NFE2L3: variants seen among roughly 807,000 people sequenced by gnomAD.
The protein encoded by NFE2L3 is NFE2 like bZIP transcription factor 3.
A neutral mutation model predicts 23.5 loss-of-function variants in NFE2L3; 18 were observed. That is an observed-to-expected ratio of 0.77 (90% CI 0.53 to 1.13). The LOEUF (loss-of-function observed/expected upper bound fraction) is 1.13, where lower values mean the gene tolerates loss of function less well. Among genes scored for constraint, NFE2L3 ranks in the 50% most tolerant of loss-of-function variants. NFE2L3 has a pLI of 0.00. For missense variants in NFE2L3, 1,152 were observed against 877.2 expected, an observed-to-expected ratio of 1.31 and a Z score of -3.96; for synonymous variants, 424 against 354.5, an observed-to-expected ratio of 1.20 and a Z score of -2.20.
At chr7:26,153,984 CTTCGGGTGTTGTTT>C in intron 1 of NFE2L3, among the ~76,000 whole-genome samples, 1 of 152,324 alleles carries the variant, frequency 6.6e-6, no homozygotes, top group Non-Finnish European at 1.5e-5. Context: ...AACTAATGTT[CTTCGGGTGTTGTTT>C]TTGTGGGGCG....
At chr7:26,159,322 G>A (rs890119298) in intron 1 of NFE2L3, among the ~76,000 whole-genome samples, 8 of 152,028 alleles carry the variant, frequency 5.3e-5, no homozygotes, top group Non-Finnish European at 1.2e-4. Flanking sequence ...GTCTTTTATG[G>A]TTAAATTCTC....
intron 1 of NFE2L3, among the ~76,000 whole-genome samples, chr7:26,176,378 G>A (rs1250512230): frequency 2.6e-5 from 4 of 151,758 alleles, no homozygotes; most frequent in African/African-American, 7.3e-5. Context: ...CTGTCTCTTC[G>A]GAGCTGTTGG....
intron 1 of NFE2L3, among the ~76,000 whole-genome samples, chr7:26,172,082 T>A (rs1398394401): frequency 6.6e-6 from 1 of 152,236 alleles, no homozygotes; most frequent in Non-Finnish European, 1.5e-5. Context: ...GCTAAAGCAA[T>A]TAGATAAGAA....
At position 26,177,276 on chromosome 7, in the gene NFE2L3, G is replaced by A. The variant is rs1319896580; in HGVS notation, c.571-667G>A. Among the ~76,000 whole-genome samples the A allele has an allele frequency of 2.0e-5, 3 of 152,166 alleles. No individual in the cohort carries two copies. In the East Asian group the frequency reaches 5.8e-4, roughly 29 times the overall value. The stretch of plus-strand genomic sequence containing the variant: ...TGGGAGGTGGAGGTTGTAGCGAGCC[G>A]AGATCATGCCACTGCACTCCAGCCT... On this transcript the variant is annotated intron_variant, in intron 1 of 3. Transcript: ENST00000056233.
At chr7:26,177,116 G>A (rs1294954397) in intron 1 of NFE2L3, among the ~76,000 whole-genome samples, 9 of 121,466 alleles carry the variant, frequency 7.4e-5, no homozygotes, top group Non-Finnish European at 1.1e-4. Flanking sequence ...CATCCCAGAC[G>A]GGGTGGCCGG....
chr7:26,177,281 C>T lies in NFE2L3; in HGVS notation c.571-662C>T, dbSNP rs545450315. Among the ~76,000 whole-genome samples, 332 of 152,344 alleles carry T rather than the reference C, an allele frequency of 2.2e-3. 1 individual carries two copies. Among genetic ancestry groups the T allele is most frequent in the African/African-American group, 7.7e-3 (319 of 41,582 alleles). ...GGTGGAGGTTGTAGCGAGCCGAGAT[C>T]ATGCCACTGCACTCCAGCCTGGGCA... On this transcript the variant is annotated intron_variant, in intron 1 of 3. Coordinates refer to ENST00000056233, the MANE Select transcript of NFE2L3 (RefSeq NM_004289.7).
chr7:26,185,643 T>G lies in NFE2L3; in HGVS notation c.1945T>G (p.Leu649Val), dbSNP rs779877030. 7 of 1,613,920 alleles carry G rather than the reference T, an allele frequency of 4.3e-6. No individual in the cohort carries two copies. The South Asian group carries it at 7.7e-5, about 18-fold the overall frequency. The change falls in exon 4 of 4, where the codon TTA (leucine) becomes GTA (valine). Residue 649 changes from leucine to valine, a missense_variant. By Grantham distance (32) the Leu-to-Val change is conservative (BLOSUM62 1). Coordinates refer to ENST00000056233, the MANE Select transcript of NFE2L3 (RefSeq NM_004289.7). ...CCTTTATCATGATATTTTTAGTAGA[T>G]TAAGAGATGACCAAGGTAGGCCAGT... ...HDLYHDIFSR[L>V]RDDQGRPVNP...
Position 26,184,555 on chromosome 7 carries a change from C to G in NFE2L3, c.857C>G (p.Pro286Arg), listed in dbSNP as rs1382551313. The change falls in exon 4 of 4, where the codon CCT (proline) becomes CGT (arginine). Residue 286 changes from proline (P) to arginine (R), a missense_variant. Pro to Arg is a moderately radical substitution (Grantham distance 103). Coordinates refer to ENST00000056233, the MANE Select transcript of NFE2L3 (RefSeq NM_004289.7). The part of the protein sequence containing the change: ...SLEGISLGDI[P>R]LPGSISDGMN... ...CAGGGCATCTCATTGGGAGATATTC[C>G]TCTTCCAGGCAGTATCAGTGATGGC... is the stretch of plus-strand genomic sequence containing the variant. 1.2e-6 allele frequency: 2 copies of G among 1,611,500 alleles called. No homozygotes were observed. Among genetic ancestry groups the G allele is most frequent in the Admixed American group, 3.3e-5 (2 of 59,830 alleles).
chr7:26,153,401 C>T (rs1469836830), intron 1 of NFE2L3, among the ~76,000 whole-genome samples: 1 of 152,190 alleles, frequency 6.6e-6, no homozygotes, highest in Non-Finnish European at 1.5e-5. Context: ...ACCTCATGTA[C>T]ACTGGGGTGT....
At chr7:26,175,028 T>C (rs903458339) in intron 1 of NFE2L3, 15 of 152,092 alleles carry the variant, frequency 9.9e-5, no homozygotes, top group African/African-American at 3.6e-4. Flanking sequence ...GTGGAGATGT[T>C]TTACATTTAT....
In NFE2L3 at chr7:26,184,838, A is replaced by G. The variant is rs560151620; in HGVS notation, c.1140A>G (p.Leu380=). 6.2e-7 allele frequency: 1 copy of G among 1,613,958 alleles called. No individual in the cohort carries two copies. Among genetic ancestry groups the G allele is most frequent in the African/African-American group, 1.3e-5 (1 of 75,052 alleles). Residue 380 remains leucine, a synonymous_variant, in exon 4 of 4, where the codon CTA becomes CTG. Coordinates refer to ENST00000056233, the MANE Select transcript of NFE2L3 (RefSeq NM_004289.7). ...NHMRNLTSQD[L]LYDLDINIFD... ...TGAGGAATCTAACAAGCCAAGACCT[A>G]CTGTATGACCTTGACATAAATATAT... is the stretch of plus-strand genomic sequence containing the variant.
At chr7:26,183,469 A>G (rs1782383397) in intron 2 of NFE2L3, among the ~76,000 whole-genome samples, 1 of 143,932 alleles carries the variant, frequency 6.9e-6, no homozygotes, top group Admixed American at 6.9e-5. Context: ...AATCCTTTGA[A>G]CCTGGGAGGC....
At chr7:26,154,597 C>A (rs1784053122) in intron 1 of NFE2L3, among the ~76,000 whole-genome samples, 1 of 152,178 alleles carries the variant, frequency 6.6e-6, no homozygotes, top group Admixed American at 6.5e-5. Flanking sequence ...GTTGCCCAGG[C>A]TGGAGTGCAA....
At chr7:26,170,528 A>G (rs1284419973) in intron 1 of NFE2L3, among the ~76,000 whole-genome samples, 1 of 152,222 alleles carries the variant, frequency 6.6e-6, no homozygotes, top group East Asian at 1.9e-4. Flanking sequence ...TTGCTCACAT[A>G]CCAGATGGCA....
In NFE2L3 at chr7:26,152,670, G is replaced by GCGCT; in HGVS notation, c.174_177dup (p.Ser60AlafsTer147). On this transcript the variant is annotated frameshift_variant, in exon 1 of 4. Transcript: ENST00000056233. LOFTEE classifies it high-confidence loss of function. This position sits in a 1 kb window ranked among gnomAD's most constrained non-coding sequence, Gnocchi z 4.4. ...GGGCGGCCCGGCCAGCTCCGCCTACGCGCTCAGCCCCTTCTCGGCCTCGGG... is the reference window on the plus strand; with the variant it reads ...GGGCGGCCCGGCCAGCTCCGCCTACGCGCTCGCTCAGCCCCTTCTCGGCCTCGGG... The GCGCT allele has an allele frequency of 6.7e-7, 1 of 1,489,448 alleles. No homozygotes were observed. 92.3% of individuals were successfully genotyped at this position (1,489,448 alleles called of 1,614,324 possible). A position where few individuals can be genotyped will look rare whatever the true frequency, so the allele number is the denominator to read the frequency against.
chr7:26,184,883 G>C lies in NFE2L3; in HGVS notation c.1185G>C (p.Met395Ile). The part of the protein sequence containing the change: ...DINIFDEINL[M>I]SLATEDNFDP... The stretch of plus-strand genomic sequence containing the variant: ...ATATATTTGATGAGATAAACTTAAT[G>C]TCATTGGCCACAGAAGACAACTTTG... Residue 395 changes from methionine (M) to isoleucine (I), a missense_variant, in exon 4 of 4, where the codon ATG (methionine) becomes ATC (isoleucine). Met to Ile is a conservative substitution (Grantham distance 10). Transcript: ENST00000056233. 6.2e-7 allele frequency: 1 copy of C among 1,613,916 alleles called. No individual in the cohort carries two copies. The highest frequency in any genetic ancestry group is 1.7e-5 in the Admixed American group (1 of 60,022).
At position 26,152,966 on chromosome 7, in the gene NFE2L3, C is replaced by G. The variant is rs1412128849; in HGVS notation, c.468C>G (p.Asp156Glu). The G allele has an allele frequency of 1.3e-6, 2 of 1,494,010 alleles. No individual in the cohort carries two copies. The highest frequency in any genetic ancestry group is 1.2e-5 in the South Asian group (1 of 80,732). The allele number at this position is 1,494,010 out of a possible 1,614,324, so 92.5% of individuals were successfully genotyped here. A position where few individuals can be genotyped will look rare whatever the true frequency, so the allele number is the denominator to read the frequency against. Residue 156 changes from aspartate (D) to glutamate (E), a missense_variant, in exon 1 of 4, where the codon GAC becomes GAG. Physicochemically the swap from Asp to Glu is conservative, Grantham distance 45. Transcript: ENST00000056233. This position sits in a 1 kb window ranked among gnomAD's most constrained non-coding sequence, Gnocchi z 4.4. ...GSQAVQGGGG[D>E]PRAARSGPLD... The stretch of plus-strand genomic sequence containing the variant: ...AGGCTGTGCAGGGGGGCGGCGGGGA[C>G]CCCCGAGCGGCTCGGAGTGGCCCCT...
At position 26,185,010 on chromosome 7, in the gene NFE2L3, TCTCA is replaced by T. The variant is rs751475476; in HGVS notation, c.1316_1319del (p.His439LeufsTer8). On this transcript the variant is annotated frameshift_variant, in exon 4 of 4. Coordinates refer to ENST00000056233, the MANE Select transcript of NFE2L3 (RefSeq NM_004289.7). LOFTEE classifies it low-confidence loss of function (END_TRUNC). ...TACCTCTGTCATCAAGTCTAATTCC[TCTCA>T]CTCTGTGTGTGATGAAGGTGCTATA... 3.1e-6 allele frequency: 5 copies of T among 1,613,858 alleles called. No individual in the cohort carries two copies. The highest frequency in any genetic ancestry group is 1.7e-5 in the Admixed American group (1 of 60,024).
chr7:26,182,475 T>C (rs190306720), intron 2 of NFE2L3, among the ~76,000 whole-genome samples: 1 of 151,006 alleles, frequency 6.6e-6, no homozygotes, highest in East Asian at 2.0e-4. Context: ...AATATAAAAA[T>C]TGGCCAGGCG....
Sources: gnomAD v4.1 joint callset for allele counts (sites outside exome capture counted in the v4.1 genomes callset) on GRCh38, gnomAD v4.1.1 for gene constraint, Gnocchi (gnomAD v3.1) non-coding constraint, MANE v1.5 for transcripts, NCBI Gene and HGNC (gene_info 2026-07-23, HGNC 2026-07-21) for gene names.